MACROD2: variants seen among roughly 807,000 people sequenced by gnomAD.
MACROD2 encodes ADP-ribose glycohydrolase MACROD2.
Under a neutral mutation model 70.4 loss-of-function variants are expected in MACROD2, and 36 were observed. That is an observed-to-expected ratio of 0.51 (90% CI 0.39 to 0.68). The LOEUF is 0.68. MACROD2 is among the 30% of genes least tolerant of loss of function. MACROD2 has a pLI of 0.00. For synonymous variants in MACROD2, 172 were observed against 178.8 expected, an observed-to-expected ratio of 0.96 and a Z score of 0.30; for missense variants, 496 against 538.4, an observed-to-expected ratio of 0.92 and a Z score of 0.78.
chr20:14,674,122 T>G (rs965147575), intron 4 of MACROD2, among the ~76,000 whole-genome samples: 1 of 152,160 alleles, frequency 6.6e-6, no homozygotes, highest in Non-Finnish European at 1.5e-5. Flanking sequence ...GTAAATTACT[T>G]TTAATTTCAA....
chr20:14,339,127 A>C (rs2082985634), intron 3 of MACROD2, among the ~76,000 whole-genome samples: 1 of 152,170 alleles, frequency 6.6e-6, no homozygotes, highest in African/African-American at 2.4e-5. Context: ...TTATCTATTT[A>C]TATATTTGTT....
chr20:14,336,876 T>C (rs1360926155), intron 3 of MACROD2, among the ~76,000 whole-genome samples: 2 of 152,208 alleles, frequency 1.3e-5, no homozygotes, highest in Non-Finnish European at 2.9e-5. Context: ...CTTTAAAATC[T>C]AGGTGTAGCT....
intron 6 of MACROD2, among the ~76,000 whole-genome samples, chr20:15,264,670 G>T (rs532895182): frequency 6.6e-6 from 1 of 152,002 alleles, no homozygotes; most frequent in African/African-American, 2.4e-5. Context: ...CAGAAGAATA[G>T]GTGAAAAGTC....
chr20:14,094,524 ATC>A (rs1016007515), intron 3 of MACROD2, among the ~76,000 whole-genome samples: 2 of 151,830 alleles, frequency 1.3e-5, no homozygotes, highest in African/African-American at 4.8e-5. Flanking sequence ...GTTTTCCTGG[ATC>A]TCTCTGTAGT....
At chr20:14,163,478 C>T (rs144051328) in intron 3 of MACROD2, among the ~76,000 whole-genome samples, 514 of 152,146 alleles carry the variant, frequency 3.4e-3, no homozygotes, top group East Asian at 0.011. Flanking sequence ...CCTCCTGAAT[C>T]TGGATGTCTA....
intron 8 of MACROD2, among the ~76,000 whole-genome samples, chr20:15,778,060 G>A (rs1354615036): frequency 1.3e-5 from 2 of 152,160 alleles, no homozygotes; most frequent in African/African-American, 4.8e-5. Flanking sequence ...TGCCAAGATT[G>A]AATTTCCTCA....
intron 2 of MACROD2, among the ~76,000 whole-genome samples, chr20:14,085,028 G>T (rs1215232948): frequency 6.8e-6 from 1 of 146,134 alleles, no homozygotes. Flanking sequence ...CTTGGTTGGG[G>T]GGTGGGGGGG....
At chr20:14,640,821 C>G (rs1297397896) in intron 4 of MACROD2, among the ~76,000 whole-genome samples, 1 of 152,218 alleles carries the variant, frequency 6.6e-6, no homozygotes, top group Non-Finnish European at 1.5e-5. Flanking sequence ...TAGCAATCAT[C>G]TGAGCCTTCA....
At chr20:14,444,169 G>T (rs1216625188) in intron 3 of MACROD2, among the ~76,000 whole-genome samples, 1 of 152,028 alleles carries the variant, frequency 6.6e-6, no homozygotes, top group East Asian at 1.9e-4. Context: ...ATAAGAAAAA[G>T]TTTAGGATAA....
chr20:14,464,918 AT>A (rs1289091758), intron 3 of MACROD2, among the ~76,000 whole-genome samples: 1 of 151,952 alleles, frequency 6.6e-6, no homozygotes, highest in Non-Finnish European at 1.5e-5. Flanking sequence ...TATAATTTCT[AT>A]TCTTTTACAT....
chr20:14,131,448 C>T (rs2054717425), intron 3 of MACROD2, among the ~76,000 whole-genome samples: 1 of 152,124 alleles, frequency 6.6e-6, no homozygotes, highest in African/African-American at 2.4e-5. Context: ...TAGGCATTTG[C>T]TTATGAGGAG....
At chr20:14,347,781 G>A (rs932093372) in intron 3 of MACROD2, among the ~76,000 whole-genome samples, 2 of 152,152 alleles carry the variant, frequency 1.3e-5, no homozygotes, top group African/African-American at 4.8e-5. Context: ...CCAGAACTAA[G>A]CCTTGGCTAT....
intron 3 of MACROD2, among the ~76,000 whole-genome samples, chr20:14,123,466 A>G (rs994850896): frequency 6.6e-6 from 1 of 152,130 alleles, no homozygotes; most frequent in Admixed American, 6.6e-5. Flanking sequence ...AGGGAAGACA[A>G]CTAAGACCCC....
intron 3 of MACROD2, among the ~76,000 whole-genome samples, chr20:14,474,945 A>G (rs2084573896): frequency 6.6e-6 from 1 of 152,034 alleles, no homozygotes. Flanking sequence ...AATTTAATCC[A>G]TTTATGTTCA....
At chr20:15,598,564 G>A (rs2048776134) in intron 8 of MACROD2, among the ~76,000 whole-genome samples, 5 of 152,186 alleles carry the variant, frequency 3.3e-5, no homozygotes, top group Admixed American at 3.3e-4. Context: ...TGGAAGGTGA[G>A]ATCCCAGGAT....
intron 3 of MACROD2, among the ~76,000 whole-genome samples, chr20:14,408,967 T>TA (rs2122858755): frequency 6.6e-6 from 1 of 152,266 alleles, no homozygotes; most frequent in African/African-American, 2.4e-5. Context: ...GCTAAACTAC[T>TA]ACATATAGAG....
chr20:14,112,984 T>C (rs1456405361), intron 3 of MACROD2, among the ~76,000 whole-genome samples: 2 of 151,992 alleles, frequency 1.3e-5, no homozygotes, highest in African/African-American at 4.8e-5. Flanking sequence ...TTAAAAAGGA[T>C]ACTTGATTAA....
chr20:14,506,613 A>G (rs768817919), intron 4 of MACROD2, among the ~76,000 whole-genome samples: 1 of 152,158 alleles, frequency 6.6e-6, no homozygotes, highest in Non-Finnish European at 1.5e-5. Flanking sequence ...AAGTTACCAA[A>G]CAACTCCAAA....
intron 8 of MACROD2, among the ~76,000 whole-genome samples, chr20:15,781,065 T>C (rs1349838408): frequency 6.6e-6 from 1 of 152,196 alleles, no homozygotes; most frequent in Non-Finnish European, 1.5e-5. Context: ...ATAATTAAAA[T>C]AATAAGTTTA....
Sources: allele counts gnomAD v4.1 joint callset (sites outside exome capture counted in the v4.1 genomes callset), GRCh38; gene constraint gnomAD v4.1.1; transcripts MANE v1.5; gene names NCBI Gene and HGNC (gene_info 2026-07-23, HGNC 2026-07-21).